PDCD11: variants seen among roughly 807,000 people sequenced by gnomAD.
PDCD11 encodes programmed cell death 11, also known as protein RRP5 homolog.
PDCD11 carries 97 observed loss-of-function variants against 198.9 expected under a neutral mutation model. That is an observed-to-expected ratio of 0.49 (90% CI 0.41 to 0.58). The LOEUF is 0.58. Ranked by LOEUF, PDCD11 falls within the 20% of genes least tolerant of loss-of-function variation. PDCD11 has a pLI of 0.00. For missense variants in PDCD11, 2,102 were observed against 2,312.7 expected, an observed-to-expected ratio of 0.91 and a Z score of 1.87; for synonymous variants, 893 against 918.0, an observed-to-expected ratio of 0.97 and a Z score of 0.49.
rs942677569 is a variant in PDCD11, at chr10:103,445,716, T to A, written c.*167T>A. The A allele has an allele frequency of 3.5e-5, 21 of 592,122 alleles. No homozygotes were observed. The highest frequency in any genetic ancestry group is 5.4e-5 in the Non-Finnish European group (18 of 335,148). The allele number at this position is 592,122 out of a possible 1,614,324, so 36.7% of individuals were successfully genotyped here. On this transcript the variant is annotated 3_prime_UTR_variant, in exon 36 of 36. Transcript: ENST00000369797. The stretch of plus-strand genomic sequence containing the variant: ...GGATGAAAAGGAAGTTGAGATTTTT[T>A]AAATCCCTCTTCGCTTGCTTTATTT...
intron 7 of PDCD11, among the ~76,000 whole-genome samples, chr10:103,408,774 A>T (rs2030615534): frequency 6.6e-6 from 1 of 152,154 alleles, no homozygotes; most frequent in Admixed American, 6.5e-5. Flanking sequence ...TCCTGAGCTC[A>T]GGTGGTCCAC....
At chr10:103,427,288 C>A in intron 20 of PDCD11, 41 bp from the exon 21 acceptor site, 1 of 1,556,116 alleles carries the variant, frequency 6.4e-7, no homozygotes, top group Non-Finnish European at 8.9e-7. Context: ...TACTGTGTTA[C>A]AGAGATGAAG....
chr10:103,419,660 C>T lies in PDCD11; in HGVS notation c.2229C>T (p.Gly743=), dbSNP rs1451426947. 21 of 1,614,096 alleles carry T rather than the reference C, an allele frequency of 1.3e-5. No individual in the cohort carries two copies. The highest frequency in any genetic ancestry group is 3.3e-4 in the Middle Eastern group (2 of 6,062). ...TTGTGAAGAGCATCAAGGACTATGG[C>T]GTGTTCATCCAGTTCCCCTCAGGTC... ...IGFVKSIKDY[G]VFIQFPSGLS... The change falls in exon 16 of 36, where the codon GGC becomes GGT. Residue 743 remains glycine (G), a synonymous_variant. Coordinates refer to ENST00000369797, the MANE Select transcript of PDCD11 (RefSeq NM_014976.2).
chr10:103,399,119 T>G (rs2133665525), intron 2 of PDCD11, among the ~76,000 whole-genome samples: 1 of 151,362 alleles, frequency 6.6e-6, no homozygotes, highest in East Asian at 1.9e-4. Flanking sequence ...TTTTTTTTTT[T>G]TTTTTTTTTT....
chr10:103,442,108 A>G (rs2032409837), intron 31 of PDCD11, 105 bp from the exon 32 acceptor site: 6 of 1,533,664 alleles, frequency 3.9e-6, no homozygotes, highest in African/African-American at 1.4e-5. Flanking sequence ...GCCAGGGGGT[A>G]TATATAGAGC....
rs2133707963 is a variant in PDCD11, at chr10:103,419,657, T to C, written c.2226T>C (p.Tyr742=). The change falls in exon 16 of 36, where the codon TAT becomes TAC. Residue 742 remains tyrosine, a synonymous_variant. Transcript: ENST00000369797. ...GTTTTGTGAAGAGCATCAAGGACTA[T>C]GGCGTGTTCATCCAGTTCCCCTCAG... The part of the protein sequence containing the change: ...LIGFVKSIKD[Y]GVFIQFPSGL... 1.9e-6 allele frequency: 3 copies of C among 1,614,184 alleles called. No individual in the cohort carries two copies. Among genetic ancestry groups the C allele is most frequent in the Non-Finnish European group, 2.5e-6 (3 of 1,180,004 alleles).
chr10:103,439,090 G>A (rs113509101), intron 27 of PDCD11, among the ~76,000 whole-genome samples: 10 of 152,102 alleles, frequency 6.6e-5, no homozygotes, highest in Non-Finnish European at 1.5e-4. Flanking sequence ...GAATCCTAGC[G>A]CTTTGAGAGG....
chr10:103,414,964 A>G lies in PDCD11; in HGVS notation c.1372-41A>G, dbSNP rs150563482. The G allele has an allele frequency of 9.2e-5, 148 of 1,609,854 alleles. No homozygotes were observed. In the East Asian group the frequency reaches 3.3e-3, roughly 36 times the overall value. On this transcript the variant is annotated intron_variant, in intron 11 of 35. Transcript: ENST00000369797. ...TGTTGTAAGAGGTGGGGGAAAGGCC[A>G]TTCTTGAGACATTGTGGCAGCTTAT...
At chr10:103,407,359 C>T (rs564067007) in intron 7 of PDCD11, among the ~76,000 whole-genome samples, 14 of 152,042 alleles carry the variant, frequency 9.2e-5, no homozygotes, top group African/African-American at 2.7e-4. Context: ...GTCAGGAGAT[C>T]GAGACCATCT....
At chr10:103,428,177 C>T (rs1464577992) in intron 21 of PDCD11, among the ~76,000 whole-genome samples, 2 of 151,950 alleles carry the variant, frequency 1.3e-5, no homozygotes, top group Non-Finnish European at 2.9e-5. Flanking sequence ...TGGTGGCGGG[C>T]GCTTGTAATC....
intron 5 of PDCD11, 112 bp from the exon 6 acceptor site, chr10:103,405,873 T>G (rs896839060): frequency 1.1e-5 from 13 of 1,136,576 alleles, no homozygotes; most frequent in Non-Finnish European, 1.5e-5. Flanking sequence ...AATGTGGGAG[T>G]GGGATAGTGG....
Position 103,416,718 on chromosome 10 carries a change from G to A in PDCD11, c.1746G>A (p.Pro582=), listed in dbSNP as rs371019816. ...HELSTEYIPD[P]ERVFYTGQVV... is the part of the protein sequence containing the mutation. ...TCAGTACTGAGTATATCCCTGACCCGGAGAGAGTTTTTTACACTGGCCAGG... is the reference window on the plus strand; with the variant it reads ...TCAGTACTGAGTATATCCCTGACCCAGAGAGAGTTTTTTACACTGGCCAGG... Residue 582 remains proline (P), a synonymous_variant, in exon 13 of 36, where the codon CCG becomes CCA. Transcript: ENST00000369797. 29 of 1,613,870 alleles carry A rather than the reference G, an allele frequency of 1.8e-5. No homozygotes were observed. Among genetic ancestry groups the A allele is most frequent in the Non-Finnish European group, 2.4e-5 (28 of 1,179,944 alleles).
chr10:103,419,885 G>A (rs1445898805), intron 16 of PDCD11, among the ~76,000 whole-genome samples, 177 bp downstream of exon 16: 1 of 151,388 alleles, frequency 6.6e-6, no homozygotes, highest in Non-Finnish European at 1.5e-5. Flanking sequence ...CGCCTCCTGG[G>A]CTCAAGCGAT....
chr10:103,421,266 G>T (rs572170183), intron 16 of PDCD11, 82 bp from the exon 17 acceptor site: 11 of 1,092,142 alleles, frequency 1.0e-5, no homozygotes, highest in East Asian at 5.2e-5. Context: ...CCCTACTCAC[G>T]TACCCCTTTC....
intron 30 of PDCD11, 67 bp downstream of exon 30, chr10:103,440,917 C>G (rs964034530): frequency 2.9e-5 from 32 of 1,093,230 alleles, no homozygotes; most frequent in Non-Finnish European, 4.0e-5. Context: ...CATCCTCTGC[C>G]TCATCCTCTT....
intron 7 of PDCD11, 43 bp downstream of exon 7, chr10:103,406,833 T>A (rs779293893): frequency 1.2e-5 from 17 of 1,474,608 alleles, no homozygotes; most frequent in Non-Finnish European, 1.6e-5. Context: ...TAAAAATAAT[T>A]CTTTTCAAAA....
At chr10:103,438,164 C>T in intron 26 of PDCD11, 93 bp downstream of exon 26, 1 of 968,760 alleles carries the variant, frequency 1.0e-6, no homozygotes, top group Non-Finnish European at 1.7e-6. Flanking sequence ...TTTGGGCTTC[C>T]CACCTTCTCT....
At position 103,396,746 on chromosome 10, in the gene PDCD11, G is replaced by A. The variant is rs904203616; in HGVS notation, c.-12+16G>A. 7 of 152,426 alleles carry A rather than the reference G, an allele frequency of 4.6e-5. No homozygotes were observed. Among genetic ancestry groups the A allele is most frequent in the African/African-American group, 1.7e-4 (7 of 41,456 alleles). The allele number at this position is 152,426 out of a possible 1,614,324, so 9.4% of individuals were successfully genotyped here. On this transcript the variant is annotated intron_variant, in intron 1 of 35. Transcript: ENST00000369797. Reference sequence around the variant, plus strand: ...CGTGGCGCTGGTGAGTAAAGGCAGAGGCGAAAAAGGAGGAAACCTCATGGC... The same window carrying A: ...CGTGGCGCTGGTGAGTAAAGGCAGAAGCGAAAAAGGAGGAAACCTCATGGC...
chr10:103,443,469 A>G, intron 33 of PDCD11, 136 bp downstream of exon 33: 2 of 636,878 alleles, frequency 3.1e-6, no homozygotes, highest in Non-Finnish European at 5.3e-6. Context: ...CTATCTTCCA[A>G]GTAAAAGAAG....
Sources: gnomAD v4.1 joint callset for allele counts (sites outside exome capture counted in the v4.1 genomes callset) on GRCh38, gnomAD v4.1.1 for gene constraint, MANE v1.5 for transcripts, NCBI Gene and HGNC (gene_info 2026-07-23, HGNC 2026-07-21) for gene names.